INSC: variants seen among roughly 807,000 people sequenced by gnomAD.
INSC encodes protein inscuteable homolog.
In INSC, 67 loss-of-function variants were observed where a neutral mutation model predicts 58.6. The ratio of observed to expected loss-of-function variants is 1.14; its 90% CI spans 0.94 to 1.40. The LOEUF is 1.40. INSC is among the 40% of genes most tolerant of loss of function. The pLI, the probability that INSC is intolerant of heterozygous loss-of-function variation, is 0.00. For missense variants in INSC, 714 were observed against 692.0 expected (o/e 1.03, Z -0.36); for synonymous variants, 262 against 276.1 (o/e 0.95, Z 0.51).
chr11:15,161,447 G>A (rs1849016729), intron 2 of INSC, among the ~76,000 whole-genome samples: 1 of 152,216 alleles, frequency 6.6e-6, no homozygotes, highest in South Asian at 2.1e-4. Context: ...TGCTGCTACA[G>A]CTTGGAGCAG....
At chr11:15,155,217 G>T (rs1848775166) in intron 2 of INSC, among the ~76,000 whole-genome samples, 1 of 152,104 alleles carries the variant, frequency 6.6e-6, no homozygotes, top group South Asian at 2.1e-4. Flanking sequence ...TGAGTCCATG[G>T]TTCTACTCCT....
chr11:15,206,836 G>A (rs1346518505), intron 7 of INSC, among the ~76,000 whole-genome samples: 1 of 152,202 alleles, frequency 6.6e-6, no homozygotes, highest in African/African-American at 2.4e-5. Flanking sequence ...TGCAGCAATG[G>A]TGCCTGCGTG....
chr11:15,164,424 G>A (rs920819625), intron 2 of INSC, among the ~76,000 whole-genome samples: 6 of 152,054 alleles, frequency 3.9e-5, no homozygotes, highest in Admixed American at 1.3e-4. Context: ...TGAACATCTC[G>A]TTCCTGTGCC....
At chr11:15,163,851 G>A (rs1849102266) in intron 2 of INSC, among the ~76,000 whole-genome samples, 1 of 152,210 alleles carries the variant, frequency 6.6e-6, no homozygotes, top group South Asian at 2.1e-4. Context: ...GCCTCCCAGA[G>A]TGCTGGGATT....
chr11:15,117,675 C>T (rs1402505202), intron 1 of INSC, among the ~76,000 whole-genome samples: 1 of 152,174 alleles, frequency 6.6e-6, no homozygotes, highest in Non-Finnish European at 1.5e-5. Context: ...GAAAAACCAG[C>T]AATTAAGCAT....
chr11:15,196,310 A>G (rs960489716), intron 6 of INSC, among the ~76,000 whole-genome samples: 1 of 152,224 alleles, frequency 6.6e-6, no homozygotes, highest in Non-Finnish European at 1.5e-5. Context: ...TCTGAGAAGT[A>G]TATCAGTGAC....
intron 9 of INSC, among the ~76,000 whole-genome samples, chr11:15,228,091 C>T (rs1291912161): frequency 1.3e-5 from 2 of 152,234 alleles, no homozygotes; most frequent in Non-Finnish European, 1.5e-5. Flanking sequence ...TAAATATAAA[C>T]TCTTGGTACA....
intron 2 of INSC, among the ~76,000 whole-genome samples, chr11:15,175,067 T>A (rs2133821211): frequency 6.6e-6 from 1 of 152,296 alleles, no homozygotes; most frequent in Middle Eastern, 3.4e-3. Flanking sequence ...GTAATATACA[T>A]GCTCACTATA....
chr11:15,234,613 C>A (rs1205876953), intron 9 of INSC, among the ~76,000 whole-genome samples: 1 of 152,146 alleles, frequency 6.6e-6, no homozygotes, highest in Non-Finnish European at 1.5e-5. Context: ...GAGAGAGAGG[C>A]TTGTACCAGT....
chr11:15,149,202 C>A lies in INSC; in HGVS notation c.28C>A (p.Leu10Met). 6.2e-7 allele frequency: 1 copy of A among 1,609,880 alleles called. No individual in the cohort carries two copies. Among genetic ancestry groups the A allele is most frequent in the Non-Finnish European group, 8.5e-7 (1 of 1,178,282 alleles). ...GATGGCACTGCCTGGAGGTCGCCAC[C>A]TGGACTCCGTCACCCTGCCGGGTCA... is the stretch of plus-strand genomic sequence containing the variant. MMALPGGRHLDSVTLPGQRL... is the reference protein window; with the variant it reads MMALPGGRHMDSVTLPGQRL... Residue 10 changes from leucine to methionine, a missense_variant, in exon 2 of 13, where the codon CTG (leucine) becomes ATG (methionine). By Grantham distance (15) the Leu-to-Met change is conservative. Transcript: ENST00000379556.
intron 9 of INSC, among the ~76,000 whole-genome samples, chr11:15,227,323 G>T (rs1851679271): frequency 6.6e-6 from 1 of 152,208 alleles, no homozygotes; most frequent in African/African-American, 2.4e-5. Context: ...GCTCCTGGGT[G>T]TTGGGTTTTT....
the INSC span, among the ~76,000 whole-genome samples, chr11:15,257,529 A>C: frequency 6.6e-6 from 1 of 151,992 alleles, no homozygotes; most frequent in African/African-American, 2.4e-5. Flanking sequence ...TTACGCCCCC[A>C]AAATTCATGT....
chr11:15,175,613 G>T (rs1849543205), intron 2 of INSC, 128 bp from the exon 3 acceptor site: 2 of 578,848 alleles, frequency 3.5e-6, no homozygotes, highest in African/African-American at 3.7e-5. Context: ...GAATATCAAG[G>T]TGCATGAATG....
intron 2 of INSC, among the ~76,000 whole-genome samples, chr11:15,158,944 C>A (rs889349350): frequency 1.5e-5 from 2 of 135,018 alleles, no homozygotes; most frequent in African/African-American, 2.8e-5. Flanking sequence ...AACTTTGTAG[C>A]CTCAGCTCCT....
In INSC at chr11:15,246,583, A is replaced by T. The variant is rs1439033733; in HGVS notation, c.*543A>T. The T allele has an allele frequency of 6.5e-6, 1 of 152,728 alleles. No homozygotes were observed. The highest frequency in any genetic ancestry group is 2.4e-5 in the African/African-American group (1 of 41,444). The allele number at this position is 152,728 out of a possible 1,614,324, so 9.5% of individuals were successfully genotyped here. A position where few individuals can be genotyped will look rare whatever the true frequency, so the allele number is the denominator to read the frequency against. ...ACTAGGTTCTTGCTTCCCAGGTTTC[A>T]TTCCCCAAAAACTTTTCCAACCATT... On this transcript the variant is annotated 3_prime_UTR_variant, in exon 13 of 13. Coordinates refer to ENST00000379556, the MANE Select transcript of INSC (RefSeq NM_001042536.3).
chr11:15,140,348 T>C (rs1848339556), intron 1 of INSC, among the ~76,000 whole-genome samples: 2 of 152,174 alleles, frequency 1.3e-5, no homozygotes, highest in South Asian at 4.1e-4. Flanking sequence ...AGGGAAAAAG[T>C]GCAAGCGTAC....
At chr11:15,210,934 C>T (rs1187313692) in intron 7 of INSC, among the ~76,000 whole-genome samples, 1 of 152,078 alleles carries the variant, frequency 6.6e-6, no homozygotes, top group African/African-American at 2.4e-5. Context: ...GCAGCATGGA[C>T]AGTAGGCCAG....
At chr11:15,114,581 T>G (rs1393972665), upstream of INSC, among the ~76,000 whole-genome samples, 2 of 152,220 alleles carry the variant, frequency 1.3e-5, no homozygotes, top group Non-Finnish European at 2.9e-5. Context: ...CGACCCCGCC[T>G]GGACGGCTTC....
At chr11:15,165,097 G>A (rs1298724242) in intron 2 of INSC, among the ~76,000 whole-genome samples, 1 of 152,074 alleles carries the variant, frequency 6.6e-6, no homozygotes, top group East Asian at 1.9e-4. Context: ...CCCACTTGCT[G>A]GTATTTCGAA....
Sources: allele counts gnomAD v4.1 joint callset (sites outside exome capture counted in the v4.1 genomes callset), GRCh38; gene constraint gnomAD v4.1.1; transcripts MANE v1.5; gene names NCBI Gene and HGNC (gene_info 2026-07-23, HGNC 2026-07-21).